SLC43A1: variants seen among roughly 807,000 people sequenced by gnomAD.
SLC43A1 encodes large neutral amino acids transporter small subunit 3.
A neutral mutation model predicts 59.5 loss-of-function variants in SLC43A1; 31 were observed. That is an observed-to-expected ratio of 0.52 (90% CI 0.39 to 0.70). The LOEUF is 0.70. Ranked by LOEUF, SLC43A1 falls within the 30% of genes least tolerant of loss-of-function variation. The pLI is 0.00. For synonymous variants in SLC43A1, 259 were observed against 290.9 expected, an observed-to-expected ratio of 0.89 and a Z score of 1.12; for missense variants, 598 against 717.8, an observed-to-expected ratio of 0.83 and a Z score of 1.91.
In SLC43A1 at chr11:57,515,655, G is replaced by A. The variant is rs1161166658; in HGVS notation, c.-225C>T. 6.6e-6 allele frequency: 1 copy of A among 152,284 alleles called. No individual in the cohort carries two copies. The highest frequency in any genetic ancestry group is 1.5e-5 in the Non-Finnish European group (1 of 68,086). The allele number at this position is 152,284 out of a possible 1,614,324, so 9.4% of individuals were successfully genotyped here. On this transcript the variant is annotated 5_prime_UTR_variant, in exon 1 of 15. Transcript: ENST00000278426. The surrounding 1 kb of genome is among the most constrained non-coding windows in gnomAD (Gnocchi z 5.3). Reference sequence around the variant, plus strand: ...CTCCTCGGAAGAAGCGGGGGAACTGGGAACCCGCCGGGCGCCAGAGGTCTG... The same window carrying A: ...CTCCTCGGAAGAAGCGGGGGAACTGAGAACCCGCCGGGCGCCAGAGGTCTG...
At chr11:57,513,783 A>G (rs1204617011) in intron 2 of SLC43A1, among the ~76,000 whole-genome samples, 175 bp downstream of exon 2, 1 of 152,154 alleles carries the variant, frequency 6.6e-6, no homozygotes, top group Non-Finnish European at 1.5e-5. Context: ...TAGATAAATG[A>G]AACAGTGGGC....
At chr11:57,502,775 G>A (rs1944298174) in intron 2 of SLC43A1, among the ~76,000 whole-genome samples, 1 of 151,826 alleles carries the variant, frequency 6.6e-6, no homozygotes, top group Non-Finnish European at 1.5e-5. Flanking sequence ...CTGGGAGTCT[G>A]AGGTGGGAGG....
chr11:57,485,686 C>T (rs1335269666), intron 14 of SLC43A1, among the ~76,000 whole-genome samples: 3 of 152,206 alleles, frequency 2.0e-5, no homozygotes, highest in Admixed American at 1.3e-4. Flanking sequence ...GGACAGAAGG[C>T]TTGGAAGGCC....
At chr11:57,509,594 A>AAAGGAAGGAAGGAAGGAAGGAAGGAAGG (rs1218558916) in intron 2 of SLC43A1, among the ~76,000 whole-genome samples, 4 of 78,666 alleles carry the variant, frequency 5.1e-5, no homozygotes, top group African/African-American at 2.2e-4. Flanking sequence ...TCAGAAGGAC[A>AAAGGAAGGAAGGAAGGAAGGAAGGAAGG]AAGGAAGGAA....
At chr11:57,492,484 AATAAT>A (rs1202834551) in intron 8 of SLC43A1, among the ~76,000 whole-genome samples, 45 of 134,028 alleles carry the variant, frequency 3.4e-4, no homozygotes, top group African/African-American at 9.6e-4. Context: ...ATATATAAAA[AATAAT>A]ATAATATATA....
Position 57,514,832 on chromosome 11 carries a change from C to T in SLC43A1, c.-14+612G>A, listed in dbSNP as rs995748591. 2 of 985,444 alleles carry T rather than the reference C, an allele frequency of 2.0e-6. No homozygotes were observed. The highest frequency in any genetic ancestry group is 2.4e-6 in the Non-Finnish European group (2 of 830,082). 61.0% of individuals were successfully genotyped at this position (985,444 alleles called of 1,614,324 possible). ...TGCACCTCGGAACCCGCTTGCCCCC[C>T]TCCAGCCCCGGGAGGGGGCTCGGAC... is the stretch of plus-strand genomic sequence containing the variant. On this transcript the variant is annotated intron_variant, in intron 1 of 14. Coordinates refer to ENST00000278426, the MANE Select transcript of SLC43A1 (RefSeq NM_003627.6). This position sits in a 1 kb window ranked among gnomAD's most constrained non-coding sequence, Gnocchi z 5.5.
At chr11:57,486,298 G>A (rs1480969172) in intron 14 of SLC43A1, among the ~76,000 whole-genome samples, 1 of 152,180 alleles carries the variant, frequency 6.6e-6, no homozygotes, top group Non-Finnish European at 1.5e-5. Context: ...ACTAGCCTGT[G>A]CAACATGGCA....
chr11:57,497,066 C>T (rs1409006660), intron 6 of SLC43A1, among the ~76,000 whole-genome samples: 1 of 152,024 alleles, frequency 6.6e-6, no homozygotes, highest in Non-Finnish European at 1.5e-5. Context: ...CAACTGATGG[C>T]CCCCCCACCC....
chr11:57,504,157 A>G (rs907264189), intron 2 of SLC43A1, among the ~76,000 whole-genome samples: 2 of 152,186 alleles, frequency 1.3e-5, no homozygotes, highest in African/African-American at 4.8e-5. Context: ...AGATCGCGCC[A>G]CTGCACTCCA....
At chr11:57,486,758 G>A (rs188999845) in intron 14 of SLC43A1, among the ~76,000 whole-genome samples, 3,148 of 151,846 alleles carry the variant, frequency 0.021, 119 homozygotes, top group African/African-American at 0.072. Context: ...GCAGTGAGCC[G>A]AGATCGCACC....
rs1944070066 is a variant in SLC43A1 at position 57,495,975 on chromosome 11, T to TATCACCACAGCCC, written c.692+43_692+55dup. 7 of 1,584,906 alleles carry TATCACCACAGCCC rather than the reference T, an allele frequency of 4.4e-6. No individual in the cohort carries two copies. In the Admixed American group the frequency reaches 1.3e-4, roughly 28 times the overall value. ...AATCCAAAGTTAATTCCGTCTATCATATCACCACAGCCCTCTCTGCCCCAG... is the reference window on the plus strand; with the variant it reads ...AATCCAAAGTTAATTCCGTCTATCATATCACCACAGCCCATCACCACAGCCCTCTCTGCCCCAG... On this transcript the variant is annotated intron_variant, in intron 7 of 14. Coordinates refer to ENST00000278426, the MANE Select transcript of SLC43A1 (RefSeq NM_003627.6).
rs754387663 is a variant in SLC43A1 at position 57,488,977 on chromosome 11, C to G, written c.1348G>C (p.Val450Leu). The G allele has an allele frequency of 6.2e-7, 1 of 1,614,110 alleles. No individual in the cohort carries two copies. Among genetic ancestry groups the G allele is most frequent in the East Asian group, 2.2e-5 (1 of 44,886 alleles). The change falls in exon 13 of 15, where the codon GTC (valine) becomes CTC (leucine). Residue 450 changes from valine to leucine, a missense_variant. Transcript: ENST00000278426. Reference protein sequence around the residue: ...NNLHLQFVTFVLHTIVRGFFH... With the variant: ...NNLHLQFVTFLLHTIVRGFFH... ...AAACCTCGAACAATGGTGTGCAGGA[C>G]AAAGGTCACAAACTAAAACCAAAAA...
rs756024232 is a variant in SLC43A1, at chr11:57,496,148, C to A, written c.575G>T (p.Gly192Val). The change falls in exon 7 of 15, where the codon GGT becomes GTT. Residue 192 changes from glycine (G) to valine (V), a missense_variant. Transcript: ENST00000278426. ...FPGIKLIYDAGVAFVVIMFTW... is the reference protein window; with the variant it reads ...FPGIKLIYDAVVAFVVIMFTW... Reference sequence around the variant, plus strand: ...GAACATGATGACCACGAAGGCCACACCGGCATCGTAGATCAGCTGTGAGAG... The same window carrying A: ...GAACATGATGACCACGAAGGCCACAACGGCATCGTAGATCAGCTGTGAGAG... The A allele has an allele frequency of 6.2e-7, 1 of 1,613,930 alleles. No individual in the cohort carries two copies. Among genetic ancestry groups the A allele is most frequent in the African/African-American group, 1.3e-5 (1 of 74,886 alleles).
chr11:57,496,019 C>G lies in SLC43A1; in HGVS notation c.692+12G>C, dbSNP rs1944073071. 1 of 1,613,626 alleles carries G rather than the reference C, an allele frequency of 6.2e-7. No homozygotes were observed. Among genetic ancestry groups the G allele is most frequent in the Admixed American group, 1.7e-5 (1 of 59,970 alleles). On this transcript the variant is annotated intron_variant, in intron 7 of 14. Coordinates refer to ENST00000278426, the MANE Select transcript of SLC43A1 (RefSeq NM_003627.6). ...GCCCCAGGGAGAGTCTCTGCCCACT[C>G]CAGCCACTCACGTGTAATTGACTTC...
chr11:57,514,312 G>T lies in SLC43A1; in HGVS notation c.-13-188C>A. ...CGCGCGCACTAGCAGTGCCAGAGGTGCACGCGGCACGGGGCTCCCGCTGAG... is the reference window on the plus strand; with the variant it reads ...CGCGCGCACTAGCAGTGCCAGAGGTTCACGCGGCACGGGGCTCCCGCTGAG... On this transcript the variant is annotated intron_variant, in intron 1 of 14. Coordinates refer to ENST00000278426, the MANE Select transcript of SLC43A1 (RefSeq NM_003627.6). The surrounding 1 kb of genome is among the most constrained non-coding windows in gnomAD (Gnocchi z 5.5). The T allele has an allele frequency of 1.6e-6, 1 of 610,652 alleles. No homozygotes were observed. Among genetic ancestry groups the T allele is most frequent in the Non-Finnish European group, 2.8e-6 (1 of 357,910 alleles). 37.8% of individuals were successfully genotyped at this position (610,652 alleles called of 1,614,324 possible).
chr11:57,514,920 G>A lies in SLC43A1; in HGVS notation c.-14+524C>T, dbSNP rs1944648174. 2.0e-6 allele frequency: 2 copies of A among 977,124 alleles called. No homozygotes were observed. Among genetic ancestry groups the A allele is most frequent in the African/African-American group, 3.5e-5 (2 of 57,198 alleles). 60.5% of individuals were successfully genotyped at this position (977,124 alleles called of 1,614,324 possible). A position where few individuals can be genotyped will look rare whatever the true frequency, so the allele number is the denominator to read the frequency against. ...GCAGCGGTGGCGGATGGGCTGGCGG[G>A]CGGGTGTGTTTACCAAAGGGAGGGA... On this transcript the variant is annotated intron_variant, in intron 1 of 14. Coordinates refer to ENST00000278426, the MANE Select transcript of SLC43A1 (RefSeq NM_003627.6). The surrounding 1 kb of genome is among the most constrained non-coding windows in gnomAD (Gnocchi z 5.5).
Position 57,515,543 on chromosome 11 carries a change from C to G in SLC43A1, c.-113G>C, listed in dbSNP as rs1944668482. The G allele has an allele frequency of 6.6e-6, 1 of 152,242 alleles. No homozygotes were observed. The highest frequency in any genetic ancestry group is 2.1e-4 in the South Asian group (1 of 4,836). 9.4% of individuals were successfully genotyped at this position (152,242 alleles called of 1,614,324 possible). ...GAGTCCCGTGGGCCCAGCCCTGAGCCGCGCCGGCGCTGGGGTCTTCTCTGC... is the reference window on the plus strand; with the variant it reads ...GAGTCCCGTGGGCCCAGCCCTGAGCGGCGCCGGCGCTGGGGTCTTCTCTGC... On this transcript the variant is annotated 5_prime_UTR_variant, in exon 1 of 15. Coordinates refer to ENST00000278426, the MANE Select transcript of SLC43A1 (RefSeq NM_003627.6). The surrounding 1 kb of genome is among the most constrained non-coding windows in gnomAD (Gnocchi z 5.3).
intron 5 of SLC43A1, 121 bp from the exon 6 acceptor site, chr11:57,497,966 CAG>C: frequency 3.0e-6 from 2 of 668,894 alleles, no homozygotes; most frequent in Non-Finnish European, 5.1e-6. Flanking sequence ...GTAAAACAAA[CAG>C]AAAAATCAAT....
chr11:57,505,029 C>T (rs1222483978), intron 2 of SLC43A1, among the ~76,000 whole-genome samples: 1 of 152,138 alleles, frequency 6.6e-6, no homozygotes, highest in Non-Finnish European at 1.5e-5. Flanking sequence ...AACCCCCAAC[C>T]CCAACATTTA....
Sources: gnomAD v4.1 joint callset for allele counts (sites outside exome capture counted in the v4.1 genomes callset) on GRCh38, gnomAD v4.1.1 for gene constraint, Gnocchi (gnomAD v3.1) non-coding constraint, MANE v1.5 for transcripts, NCBI Gene and HGNC (gene_info 2026-07-23, HGNC 2026-07-21) for gene names.